The following ADAMTSL1 variants were observed in gnomAD, a reference collection of about 807,000 sequenced individuals.
The protein encoded by ADAMTSL1 is ADAMTS like 1.
In ADAMTSL1, 126 loss-of-function variants were observed where a neutral mutation model predicts 201.8. That is an observed-to-expected ratio of 0.62 (90% CI 0.54 to 0.72). ADAMTSL1 has a LOEUF of 0.72. ADAMTSL1 is among the 30% of genes least tolerant of loss of function. The pLI, the probability that ADAMTSL1 is intolerant of heterozygous loss-of-function variation, is 0.00. For synonymous variants in ADAMTSL1, 1,121 were observed against 903.4 expected (o/e 1.24, Z -4.32); for missense variants, 2,679 against 2,277.8 (o/e 1.18, Z -3.59).
At chr9:18,817,286 A>T in intron 21 of ADAMTSL1, 49 bp downstream of exon 21, 1 of 1,528,778 alleles carries the variant, frequency 6.5e-7, no homozygotes, top group Non-Finnish European at 8.8e-7. Context: ...GCCCTGTGCT[A>T]GGTTGGGGAT....
chr9:18,276,244 A>AATATTTTATTCTTT (rs1832583897), intron 2 of ADAMTSL1, among the ~76,000 whole-genome samples: 1 of 152,070 alleles, frequency 6.6e-6, no homozygotes, highest in African/African-American at 2.4e-5. Context: ...ATTTTAGAAA[A>AATATTTTATTCTTT]GAGTTCTTTG....
At position 18,675,838 on chromosome 9, in the gene ADAMTSL1, G is replaced by C; in HGVS notation, c.1086-19G>C. The C allele has an allele frequency of 6.2e-7, 1 of 1,611,540 alleles. No individual in the cohort carries two copies. The highest frequency in any genetic ancestry group is 8.5e-7 in the Non-Finnish European group (1 of 1,178,090). On this transcript the variant is annotated intron_variant, in intron 9 of 28. Coordinates refer to ENST00000380548, the MANE Select transcript of ADAMTSL1 (RefSeq NM_001040272.6). Reference sequence around the variant, plus strand: ...TGTGTACCTTCTACTCAGAGGGTTGGCATTATTGTTCCTAACAGTGACGGA... The same window carrying C: ...TGTGTACCTTCTACTCAGAGGGTTGCCATTATTGTTCCTAACAGTGACGGA...
chr9:18,346,422 G>C (rs1314512949), intron 2 of ADAMTSL1, among the ~76,000 whole-genome samples: 1 of 152,068 alleles, frequency 6.6e-6, no homozygotes, highest in African/African-American at 2.4e-5. Flanking sequence ...TTGCACTTCA[G>C]GTTTCCCACA....
intron 1 of ADAMTSL1, among the ~76,000 whole-genome samples, chr9:18,071,509 T>C (rs958591424): frequency 3.9e-5 from 6 of 152,196 alleles, no homozygotes; most frequent in African/African-American, 1.4e-4. Context: ...TTCTCAAATG[T>C]GAAAAATACT....
chr9:18,498,772 T>C (rs1822673632), intron 1 of ADAMTSL1, among the ~76,000 whole-genome samples: 1 of 152,208 alleles, frequency 6.6e-6, no homozygotes. Context: ...ATACAGGTTG[T>C]TCAACCTCAC....
At position 18,775,785 on chromosome 9, in the gene ADAMTSL1, A is replaced by G; in HGVS notation, c.2440A>G (p.Ile814Val). The change falls in exon 18 of 29, where the codon ATT becomes GTT. Residue 814 changes from isoleucine to valine, a missense_variant. By Grantham distance (29) the Ile-to-Val change is conservative. Coordinates refer to ENST00000380548, the MANE Select transcript of ADAMTSL1 (RefSeq NM_001040272.6). ...GGAAGGCACCCAGACTCGAAGCGCCATTTGCCGAAAGATGCTGAAAACCGG... is the reference window on the plus strand; with the variant it reads ...GGAAGGCACCCAGACTCGAAGCGCCGTTTGCCGAAAGATGCTGAAAACCGG... ...CGEGTQTRSA[I>V]CRKMLKTGLS... is the part of the protein sequence containing the mutation. 2 of 1,612,786 alleles carry G rather than the reference A, an allele frequency of 1.2e-6. No individual in the cohort carries two copies. Among genetic ancestry groups the G allele is most frequent in the Non-Finnish European group, 1.7e-6 (2 of 1,179,468 alleles).
chr9:18,474,293 C>G lies in ADAMTSL1; in HGVS notation c.61C>G (p.Leu21Val). 1 of 1,614,070 alleles carries G rather than the reference C, an allele frequency of 6.2e-7. No individual in the cohort carries two copies. Among genetic ancestry groups the G allele is most frequent in the Non-Finnish European group, 8.5e-7 (1 of 1,180,004 alleles). Reference protein sequence around the residue: ...TLLLFLAFLLLSSRTARSEED... With the variant: ...TLLLFLAFLLVSSRTARSEED... ...GCTCCTCTTTCTGGCTTTCCTGCTC[C>G]TGGTAAATGCCTTTTCATTTCAATG... Residue 21 changes from leucine to valine, a missense_variant and splice_region_variant, in exon 1 of 29, where the codon CTG (leucine) becomes GTG (valine). Physicochemically the swap from Leu to Val is conservative, Grantham distance 32 (BLOSUM62 1). Coordinates refer to ENST00000380548, the MANE Select transcript of ADAMTSL1 (RefSeq NM_001040272.6).
intron 2 of ADAMTSL1, among the ~76,000 whole-genome samples, chr9:18,435,855 G>C (rs1385227431): frequency 6.6e-6 from 1 of 152,124 alleles, no homozygotes. Flanking sequence ...CACGAGAACA[G>C]CACAGGAAAG....
chr9:17,975,554 C>A (rs1818412127), intron 1 of ADAMTSL1, among the ~76,000 whole-genome samples: 1 of 152,000 alleles, frequency 6.6e-6, no homozygotes, highest in African/African-American at 2.4e-5. Flanking sequence ...TAACTATGGC[C>A]ATTAGGTTTC....
chr9:17,999,501 G>A (rs1206114075), intron 1 of ADAMTSL1, among the ~76,000 whole-genome samples: 1 of 151,922 alleles, frequency 6.6e-6, no homozygotes, highest in Non-Finnish European at 1.5e-5. Flanking sequence ...ATTTACAATT[G>A]ACATATTAAT....
At chr9:18,320,641 T>G (rs1281285135) in intron 2 of ADAMTSL1, among the ~76,000 whole-genome samples, 1 of 152,168 alleles carries the variant, frequency 6.6e-6, no homozygotes, top group Non-Finnish European at 1.5e-5. Flanking sequence ...TGGTTTTTAA[T>G]GCAAAATTCC....
intron 2 of ADAMTSL1, among the ~76,000 whole-genome samples, chr9:18,366,301 G>T (rs1390809005): frequency 6.8e-6 from 1 of 146,648 alleles, no homozygotes; most frequent in African/African-American, 2.5e-5. Context: ...GAAAAAGATT[G>T]AGCGTGCATC....
intron 1 of ADAMTSL1, among the ~76,000 whole-genome samples, chr9:18,489,581 A>G (rs1179457066): frequency 1.3e-5 from 2 of 152,254 alleles, no homozygotes; most frequent in African/African-American, 4.8e-5. Flanking sequence ...AGAAGAAATT[A>G]AAACCTTCCT....
At chr9:18,311,024 A>AC (rs199527147) in intron 2 of ADAMTSL1, among the ~76,000 whole-genome samples, 10,484 of 152,162 alleles carry the variant, frequency 0.069, 1,163 homozygotes, top group African/African-American at 0.24. Flanking sequence ...CTATGCAGCC[A>AC]TAAAAAATGA....
At chr9:18,890,723 C>G (rs1431156335) in intron 25 of ADAMTSL1, 2 of 361,920 alleles carry the variant, frequency 5.5e-6, no homozygotes, top group African/African-American at 2.2e-5. Context: ...TTTCTCAAAC[C>G]CCCCCCACCC....
At chr9:18,735,748 C>CTTTTTTTT (rs71333066) in intron 15 of ADAMTSL1, among the ~76,000 whole-genome samples, 2 of 106,684 alleles carry the variant, frequency 1.9e-5, no homozygotes, top group Non-Finnish European at 3.8e-5. Context: ...ATTCTTTTTT[C>CTTTTTTTT]TTTTTTTTTT....
At chr9:18,050,026 A>G (rs1053399018) in intron 1 of ADAMTSL1, among the ~76,000 whole-genome samples, 7 of 152,338 alleles carry the variant, frequency 4.6e-5, no homozygotes, top group South Asian at 4.1e-4. Context: ...AACAGATACC[A>G]TATCTATGTT....
At chr9:18,304,105 T>G (rs73428948) in intron 2 of ADAMTSL1, among the ~76,000 whole-genome samples, 10,403 of 152,230 alleles carry the variant, frequency 0.068, 1,137 homozygotes, top group African/African-American at 0.23. Context: ...CCTGTCTAGA[T>G]GTCCTCTATG....
intron 28 of ADAMTSL1, 164 bp downstream of exon 28, chr9:18,907,076 G>A: frequency 1.4e-6 from 1 of 705,636 alleles, no homozygotes; most frequent in Non-Finnish European, 2.3e-6. Context: ...ATGGGTGTAT[G>A]CAGAGAGGTG....
Sources: allele counts gnomAD v4.1 joint callset (sites outside exome capture counted in the v4.1 genomes callset), GRCh38; gene constraint gnomAD v4.1.1; transcripts MANE v1.5; gene names NCBI Gene and HGNC (gene_info 2026-07-23, HGNC 2026-07-21).